NRXN3: variants seen among roughly 807,000 people sequenced by gnomAD.
NRXN3 encodes the protein neurexin 3, also known as neurexin III.
NRXN3 carries 32 observed loss-of-function variants against 137.6 expected under a neutral mutation model. That is an observed-to-expected ratio of 0.23 (90% CI 0.18 to 0.31). The LOEUF (loss-of-function observed/expected upper bound fraction) is 0.31. Among genes scored for constraint, NRXN3 ranks in the 10% least tolerant of loss-of-function variants. The pLI, the probability that NRXN3 is intolerant of heterozygous loss-of-function variation, is 1.00. For missense variants in NRXN3, 1,574 were observed against 2,062.5 expected (o/e 0.76, Z 4.59); for synonymous variants, 798 against 784.5 (o/e 1.02, Z -0.29).
intron 16 of NRXN3, among the ~76,000 whole-genome samples, chr14:79,603,600 CA>C (rs2097955635): frequency 1.3e-5 from 2 of 151,976 alleles, no homozygotes; most frequent in South Asian, 4.1e-4. Context: ...TTGTTCTTGT[CA>C]TTTTTTTTCA....
At chr14:78,774,676 T>C (rs1165460049) in intron 8 of NRXN3, among the ~76,000 whole-genome samples, 1 of 152,090 alleles carries the variant, frequency 6.6e-6, no homozygotes, top group Non-Finnish European at 1.5e-5. Flanking sequence ...CCAGCACTTT[T>C]AGAGGCTGAG....
At chr14:78,449,282 G>A (rs527695844) in intron 4 of NRXN3, among the ~76,000 whole-genome samples, 2 of 152,266 alleles carry the variant, frequency 1.3e-5, no homozygotes, top group East Asian at 3.9e-4. Context: ...GCGCGATCTT[G>A]GCTCACCGTA....
intron 4 of NRXN3, among the ~76,000 whole-genome samples, chr14:78,432,395 C>T (rs1010965503): frequency 4.6e-5 from 7 of 152,056 alleles, no homozygotes; most frequent in African/African-American, 1.7e-4. Flanking sequence ...CAACTTGACC[C>T]CTTGCTGCCT....
At chr14:79,645,568 A>G (rs2098449680) in intron 16 of NRXN3, among the ~76,000 whole-genome samples, 1 of 129,778 alleles carries the variant, frequency 7.7e-6, no homozygotes, top group Non-Finnish European at 1.8e-5. Flanking sequence ...GTGAGTTGAG[A>G]TGCGCCACTG....
At chr14:79,207,357 C>T (rs1468843093) in intron 15 of NRXN3, among the ~76,000 whole-genome samples, 1 of 152,128 alleles carries the variant, frequency 6.6e-6, no homozygotes, top group Non-Finnish European at 1.5e-5. Flanking sequence ...ACACTAGCTT[C>T]AATTGTAGAG....
chr14:78,300,291 C>T (rs2076753014), intron 4 of NRXN3, among the ~76,000 whole-genome samples: 1 of 152,212 alleles, frequency 6.6e-6, no homozygotes, highest in African/African-American at 2.4e-5. Context: ...GTCCCCTAAT[C>T]ATTTTTAGAT....
intron 1 of NRXN3, among the ~76,000 whole-genome samples, chr14:78,236,835 A>G (rs1396913175): frequency 2.0e-5 from 3 of 151,544 alleles, no homozygotes; most frequent in Non-Finnish European, 4.4e-5. Flanking sequence ...CCTGCCTCCA[A>G]AGCCCATGTT....
intron 4 of NRXN3, among the ~76,000 whole-genome samples, chr14:78,320,256 G>C (rs569587200): frequency 6.6e-5 from 10 of 152,176 alleles, no homozygotes; most frequent in Non-Finnish European, 7.4e-5. Flanking sequence ...TCTTCACCGG[G>C]ATTTTCGTTG....
chr14:78,978,498 G>A (rs1420778623), intron 14 of NRXN3, among the ~76,000 whole-genome samples: 2 of 151,808 alleles, frequency 1.3e-5, no homozygotes, highest in East Asian at 3.9e-4. Flanking sequence ...ATCTTATGTT[G>A]TCTGTAAATG....
At chr14:78,966,543 T>G in intron 12 of NRXN3, 137 bp downstream of exon 12, 1 of 907,400 alleles carries the variant, frequency 1.1e-6, no homozygotes, top group Admixed American at 2.5e-5. Context: ...CTTCCTTGAT[T>G]AAATGGATCC....
intron 14 of NRXN3, among the ~76,000 whole-genome samples, chr14:78,985,952 G>C (rs2099502495): frequency 6.6e-6 from 1 of 152,186 alleles, no homozygotes; most frequent in African/African-American, 2.4e-5. Flanking sequence ...CAGCAGTACT[G>C]TAACCCCAGT....
chr14:78,556,702 G>T (rs1042819743), intron 4 of NRXN3, among the ~76,000 whole-genome samples: 12 of 152,030 alleles, frequency 7.9e-5, no homozygotes, highest in African/African-American at 2.9e-4. Flanking sequence ...GATGTTGGTT[G>T]CACTAGAAAA....
chr14:79,504,748 T>C (rs2096860532), intron 16 of NRXN3, among the ~76,000 whole-genome samples: 1 of 149,812 alleles, frequency 6.7e-6, no homozygotes, highest in Admixed American at 6.7e-5. Flanking sequence ...TTTATTTGGG[T>C]TTATAAATCA....
intron 15 of NRXN3, among the ~76,000 whole-genome samples, chr14:79,375,145 C>T (rs768837409): frequency 4.6e-5 from 7 of 151,710 alleles, no homozygotes; most frequent in East Asian, 1.9e-4. Flanking sequence ...AGTCCCTCAG[C>T]GAGTCAGGAG....
intron 15 of NRXN3, among the ~76,000 whole-genome samples, chr14:79,306,492 C>T (rs2086087774): frequency 6.6e-6 from 1 of 152,090 alleles, no homozygotes; most frequent in South Asian, 2.1e-4. Context: ...GTAATGCTAA[C>T]TGCTTTGGCA....
At chr14:79,687,225 A>AT (rs1229553020) in intron 17 of NRXN3, among the ~76,000 whole-genome samples, 2 of 152,206 alleles carry the variant, frequency 1.3e-5, no homozygotes, top group African/African-American at 4.8e-5. Flanking sequence ...GCTGAGATCC[A>AT]TCTATCACTT....
intron 15 of NRXN3, among the ~76,000 whole-genome samples, chr14:79,388,293 A>T (rs1340910475): frequency 6.6e-6 from 1 of 151,968 alleles, no homozygotes; most frequent in Non-Finnish European, 1.5e-5. Context: ...AACCAACTAC[A>T]CATCTTTAAA....
chr14:78,247,366 TTC>T (rs2067851713), intron 2 of NRXN3, among the ~76,000 whole-genome samples: 2 of 152,238 alleles, frequency 1.3e-5, no homozygotes, highest in Non-Finnish European at 2.9e-5. Flanking sequence ...ACACAGTATC[TTC>T]TCTTTCATTT....
At position 78,580,477 on chromosome 14, in the gene NRXN3, C is replaced by T. The variant is rs534194643; in HGVS notation, c.758-64643C>T. On this transcript the variant is annotated intron_variant, in intron 4 of 20. Transcript: ENST00000335750. ...AGAAGCATTCTCTCTTCATCTCCAA[C>T]TCAAGGGTGAGCTCCTTTTCGTGGA... 9.3e-4 allele frequency among the ~76,000 whole-genome samples: 142 copies of T among 152,344 alleles called. 1 individual carries two copies. Among genetic ancestry groups the T allele is most frequent in the African/African-American group, 3.3e-3 (137 of 41,582 alleles).
Sources: allele counts gnomAD v4.1 joint callset (sites outside exome capture counted in the v4.1 genomes callset), GRCh38; gene constraint gnomAD v4.1.1; transcripts MANE v1.5; gene names NCBI Gene and HGNC (gene_info 2026-07-23, HGNC 2026-07-21).